The following MYRIP variants were observed in gnomAD, a reference collection of about 807,000 sequenced individuals.
MYRIP encodes myosin VIIA and Rab interacting protein.
MYRIP carries 49 observed loss-of-function variants against 98.0 expected under a neutral mutation model. The ratio of observed to expected loss-of-function variants is 0.50; its 90% CI spans 0.40 to 0.63. The LOEUF (loss-of-function observed/expected upper bound fraction) is 0.63. Ranked by LOEUF, MYRIP falls within the 30% of genes least tolerant of loss-of-function variation. The pLI is 0.00. For synonymous variants in MYRIP, 404 were observed against 409.5 expected (o/e 0.99, Z 0.16); for missense variants, 1,004 against 1,058.2 (o/e 0.95, Z 0.71).
At chr3:40,164,003 C>T (rs1950452243) in intron 5 of MYRIP, among the ~76,000 whole-genome samples, 1 of 150,770 alleles carries the variant, frequency 6.6e-6, no homozygotes, top group Non-Finnish European at 1.5e-5. Flanking sequence ...CAGCCTTGAT[C>T]TCATCCCAGA....
chr3:40,089,996 T>C (rs1268556042), intron 3 of MYRIP, among the ~76,000 whole-genome samples: 2 of 151,818 alleles, frequency 1.3e-5, no homozygotes, highest in African/African-American at 2.4e-5. Flanking sequence ...AATTCTTTTA[T>C]TTATGACCTT....
chr3:39,966,359 G>C (rs1393262921), intron 2 of MYRIP, among the ~76,000 whole-genome samples: 1 of 152,120 alleles, frequency 6.6e-6, no homozygotes, highest in African/African-American at 2.4e-5. Flanking sequence ...CAGATAATAC[G>C]CATTTGAAAA....
chr3:39,909,019 C>T (rs1049264220), intron 2 of MYRIP, among the ~76,000 whole-genome samples: 4 of 152,158 alleles, frequency 2.6e-5, no homozygotes, highest in African/African-American at 4.8e-5. Context: ...GTAGTTCCTT[C>T]GATGGGATTG....
At chr3:40,034,990 G>A (rs112667657) in intron 2 of MYRIP, among the ~76,000 whole-genome samples, 68 of 146,200 alleles carry the variant, frequency 4.7e-4, no homozygotes, top group African/African-American at 1.4e-3. Context: ...ACCAAACACC[G>A]CATGTTCTCA....
chr3:40,154,543 T>G (rs1282213167), intron 4 of MYRIP, among the ~76,000 whole-genome samples: 1 of 152,162 alleles, frequency 6.6e-6, no homozygotes, highest in East Asian at 1.9e-4. Context: ...GCATGACTTT[T>G]TTTTAAATTT....
At chr3:40,036,279 C>T (rs1385090610) in intron 2 of MYRIP, among the ~76,000 whole-genome samples, 1 of 123,042 alleles carries the variant, frequency 8.1e-6, no homozygotes, top group Non-Finnish European at 1.6e-5. Flanking sequence ...CACTGACAGA[C>T]TTCCCATTGC....
chr3:40,007,982 T>A (rs562758222), intron 2 of MYRIP, among the ~76,000 whole-genome samples: 1 of 152,314 alleles, frequency 6.6e-6, no homozygotes, highest in African/African-American at 2.4e-5. Context: ...TACCCACATA[T>A]CTGGGTACTG....
intron 2 of MYRIP, among the ~76,000 whole-genome samples, chr3:40,020,280 T>G (rs887641773): frequency 6.7e-6 from 1 of 149,880 alleles, no homozygotes; most frequent in African/African-American, 2.5e-5. Context: ...TAATATGTGT[T>G]TAATACCAAT....
At chr3:40,138,153 C>T (rs950204797) in intron 3 of MYRIP, among the ~76,000 whole-genome samples, 3 of 152,206 alleles carry the variant, frequency 2.0e-5, no homozygotes, top group East Asian at 3.8e-4. Context: ...TGCTGTTGCC[C>T]GCATTGCGGC....
chr3:40,177,439 T>C (rs966344448), intron 8 of MYRIP, among the ~76,000 whole-genome samples: 2 of 152,172 alleles, frequency 1.3e-5, no homozygotes, highest in Non-Finnish European at 1.5e-5. Context: ...AGTTCTCCAA[T>C]GACCCAGACA....
chr3:40,049,088 A>G (rs538805043), intron 3 of MYRIP, among the ~76,000 whole-genome samples: 101 of 152,320 alleles, frequency 6.6e-4, no homozygotes, highest in African/African-American at 2.3e-3. Flanking sequence ...TTTGGGAACA[A>G]CATTCCTACT....
At chr3:39,902,784 T>C (rs1036560704) in intron 2 of MYRIP, among the ~76,000 whole-genome samples, 1 of 152,194 alleles carries the variant, frequency 6.6e-6, no homozygotes, top group Admixed American at 6.5e-5. Flanking sequence ...CCAGTCCATG[T>C]GGAAGAGCAG....
intron 1 of MYRIP, among the ~76,000 whole-genome samples, chr3:39,898,385 G>T (rs1488499741): frequency 2.6e-5 from 4 of 152,118 alleles, no homozygotes; most frequent in African/African-American, 9.7e-5. Flanking sequence ...GATTTCTGGG[G>T]ATTGAGCTGT....
intron 3 of MYRIP, among the ~76,000 whole-genome samples, chr3:40,136,076 G>A (rs1234999639): frequency 6.6e-6 from 1 of 152,154 alleles, no homozygotes; most frequent in African/African-American, 2.4e-5. Context: ...CCAACTAAAA[G>A]ACACAGACTG....
intron 11 of MYRIP, among the ~76,000 whole-genome samples, chr3:40,212,143 CATATATATACGTGTATATATATAT>C (rs1559456560): frequency 0.37 from 6,787 of 18,140 alleles, 1,603 homozygotes; most frequent in Admixed American, 0.57. Context: ...TATATATATA[CATATATATACGTGTATATATATAT>C]ACATATATAT....
intron 3 of MYRIP, among the ~76,000 whole-genome samples, chr3:40,147,864 C>A (rs1472828288): frequency 6.6e-6 from 1 of 152,180 alleles, no homozygotes; most frequent in Non-Finnish European, 1.5e-5. Flanking sequence ...AGATCTGCTG[C>A]ATCAAATCCT....
chr3:40,169,081 C>A (rs1172503509), intron 7 of MYRIP, among the ~76,000 whole-genome samples: 1 of 152,128 alleles, frequency 6.6e-6, no homozygotes, highest in Admixed American at 6.5e-5. Flanking sequence ...TGATCTCCCC[C>A]CATATACCCA....
chr3:40,240,660 G>C (rs1952981597), intron 12 of MYRIP, among the ~76,000 whole-genome samples: 1 of 152,168 alleles, frequency 6.6e-6, no homozygotes, highest in Non-Finnish European at 1.5e-5. Flanking sequence ...CTGCTATCTG[G>C]CATTAGTGCT....
chr3:40,182,180 ACCTTATGAGCTCACC>A, intron 8 of MYRIP, 25 bp from the exon 9 acceptor site: 1 of 1,559,738 alleles, frequency 6.4e-7, no homozygotes, highest in Non-Finnish European at 8.7e-7. Context: ...CAGGCACTGT[ACCTTATGAGCTCACC>A]CCTTCCCCTC....
Sources: gnomAD v4.1 joint callset for allele counts (sites outside exome capture counted in the v4.1 genomes callset) on GRCh38, gnomAD v4.1.1 for gene constraint, MANE v1.5 for transcripts, NCBI Gene and HGNC (gene_info 2026-07-23, HGNC 2026-07-21) for gene names.